The following AKAP6 variants were observed in gnomAD, a reference collection of about 807,000 sequenced individuals.
The protein encoded by AKAP6 is A-kinase anchor protein 6.
In AKAP6, 58 loss-of-function variants were observed where a neutral mutation model predicts 188.5. That is an observed-to-expected ratio of 0.31 (90% CI 0.25 to 0.38). The LOEUF (loss-of-function observed/expected upper bound fraction) is 0.38, where lower values mean the gene tolerates loss of function less well. AKAP6 is among the 10% of genes least tolerant of loss of function. The pLI, the probability that AKAP6 is intolerant of heterozygous loss-of-function variation, is 1.00. For missense variants in AKAP6, 2,710 were observed against 2,740.0 expected, an observed-to-expected ratio of 0.99 and a Z score of 0.24; for synonymous variants, 989 against 998.6, an observed-to-expected ratio of 0.99 and a Z score of 0.18.
intron 12 of AKAP6, among the ~76,000 whole-genome samples, chr14:32,791,390 A>G (rs2033604987): frequency 6.6e-6 from 1 of 151,848 alleles, no homozygotes; most frequent in Non-Finnish European, 1.5e-5. Flanking sequence ...TTTTTTTCAT[A>G]TGTTTGTTGG....
chr14:32,665,702 G>A (rs1888905400), intron 7 of AKAP6, among the ~76,000 whole-genome samples: 1 of 152,170 alleles, frequency 6.6e-6, no homozygotes. Context: ...TAGGGCAGGT[G>A]AAAGCAGAGC....
intron 4 of AKAP6, among the ~76,000 whole-genome samples, chr14:32,554,434 T>C (rs1566572939): frequency 2.0e-5 from 3 of 152,214 alleles, no homozygotes. Flanking sequence ...GTTATTGGTC[T>C]CATTTTACAG....
intron 7 of AKAP6, among the ~76,000 whole-genome samples, chr14:32,620,301 T>G (rs1886762698): frequency 6.6e-6 from 1 of 152,132 alleles, no homozygotes; most frequent in African/African-American, 2.4e-5. Context: ...GGCTATGGCT[T>G]TGTTATATAT....
At chr14:32,744,231 G>A (rs1400359581) in intron 11 of AKAP6, among the ~76,000 whole-genome samples, 5 of 151,968 alleles carry the variant, frequency 3.3e-5, no homozygotes, top group African/African-American at 1.2e-4. Flanking sequence ...TGACCTTTGG[G>A]AGTTTATTAA....
At chr14:32,728,372 AT>A (rs2030991275) in intron 9 of AKAP6, among the ~76,000 whole-genome samples, 1 of 151,626 alleles carries the variant, frequency 6.6e-6, no homozygotes. Context: ...CTATCTATCT[AT>A]CTATCTATCT....
intron 11 of AKAP6, among the ~76,000 whole-genome samples, chr14:32,764,300 T>A (rs2032635170): frequency 6.6e-6 from 1 of 152,204 alleles, no homozygotes. Context: ...ATTTTTCCCA[T>A]CCCTGTTATT....
intron 8 of AKAP6, among the ~76,000 whole-genome samples, chr14:32,692,145 G>A (rs2139683924): frequency 6.6e-6 from 1 of 152,262 alleles, no homozygotes; most frequent in East Asian, 1.9e-4. Context: ...AAACTAGACT[G>A]GATAAAGGGT....
At position 32,358,879 on chromosome 14, in the gene AKAP6, G is replaced by A. The variant is rs147806397; in HGVS notation, c.-35+29471G>A. On this transcript the variant is annotated intron_variant, in intron 1 of 13. Coordinates refer to ENST00000280979, the MANE Select transcript of AKAP6 (RefSeq NM_004274.5). ...TAGAGATTTCAATCATTGTTGGACT[G>A]ATTGGCCTTAGAGCTCTGGTAAAAC... Among the ~76,000 whole-genome samples, 142 of 152,322 alleles carry A rather than the reference G, an allele frequency of 9.3e-4. 3 individuals carry two copies. In the East Asian group the frequency reaches 0.026, roughly 28 times the overall value.
At chr14:32,747,109 A>G (rs1482421333) in intron 11 of AKAP6, among the ~76,000 whole-genome samples, 7 of 152,166 alleles carry the variant, frequency 4.6e-5, no homozygotes, top group Non-Finnish European at 1.0e-4. Flanking sequence ...AATAAAAATA[A>G]GACCAATTTC....
intron 12 of AKAP6, among the ~76,000 whole-genome samples, chr14:32,781,048 C>A: frequency 6.6e-6 from 1 of 150,952 alleles, no homozygotes; most frequent in African/African-American, 2.4e-5. Context: ...CAAATTAAAC[C>A]CAAAGTAAAT....
chr14:32,557,487 C>T (rs75184750), intron 4 of AKAP6, among the ~76,000 whole-genome samples: 1 of 152,188 alleles, frequency 6.6e-6, no homozygotes, highest in Non-Finnish European at 1.5e-5. Context: ...ACAGCTGTAT[C>T]CTTTTTTATT....
chr14:32,654,163 C>T (rs1027668191), intron 7 of AKAP6, among the ~76,000 whole-genome samples: 2 of 152,140 alleles, frequency 1.3e-5, no homozygotes, highest in Admixed American at 6.6e-5. Flanking sequence ...GTAATTTTCT[C>T]TTTCAAAAAA....
At chr14:32,786,448 C>T (rs1257566762) in intron 12 of AKAP6, among the ~76,000 whole-genome samples, 2 of 150,796 alleles carry the variant, frequency 1.3e-5, no homozygotes, top group Non-Finnish European at 3.0e-5. Flanking sequence ...GCTGGGACTA[C>T]AGGCGCCCAC....
At chr14:32,807,325 C>CAAAAAAAAAAA (rs10707499) in intron 12 of AKAP6, among the ~76,000 whole-genome samples, 1 of 105,260 alleles carries the variant, frequency 9.5e-6, no homozygotes. Context: ...GACCATGTCT[C>CAAAAAAAAAAA]AAAAAAAAAA....
chr14:32,432,655 A>G (rs1040210613), intron 1 of AKAP6, among the ~76,000 whole-genome samples: 1 of 152,234 alleles, frequency 6.6e-6, no homozygotes, highest in Non-Finnish European at 1.5e-5. Context: ...GAAAGGAGCA[A>G]CATCTCCTGA....
chr14:32,499,064 A>C (rs987024491), intron 2 of AKAP6, among the ~76,000 whole-genome samples: 3 of 151,992 alleles, frequency 2.0e-5, no homozygotes, highest in Admixed American at 2.0e-4. Context: ...ATATTTGTTG[A>C]ACAAATAAAT....
intron 1 of AKAP6, among the ~76,000 whole-genome samples, chr14:32,426,170 T>TC (rs1190972314): frequency 6.6e-6 from 1 of 152,162 alleles, no homozygotes; most frequent in Non-Finnish European, 1.5e-5. Context: ...CACTTATCTT[T>TC]CCTTTACTCA....
intron 2 of AKAP6, among the ~76,000 whole-genome samples, chr14:32,477,959 T>C (rs999653783): frequency 1.4e-4 from 22 of 152,204 alleles, no homozygotes; most frequent in African/African-American, 5.1e-4. Flanking sequence ...AAATGATGCC[T>C]GGCCATAGTG....
intron 1 of AKAP6, among the ~76,000 whole-genome samples, chr14:32,415,765 A>G (rs1158696735): frequency 6.6e-6 from 1 of 152,138 alleles, no homozygotes; most frequent in Non-Finnish European, 1.5e-5. Flanking sequence ...TAAGTACCTC[A>G]TATCAGTGGA....
Sources: allele counts gnomAD v4.1 joint callset (sites outside exome capture counted in the v4.1 genomes callset), GRCh38; gene constraint gnomAD v4.1.1; transcripts MANE v1.5; gene names NCBI Gene and HGNC (gene_info 2026-07-23, HGNC 2026-07-21).